CRY1: variants seen among roughly 807,000 people sequenced by gnomAD.
The protein encoded by CRY1 is cryptochrome circadian regulator 1.
CRY1 carries 45 observed loss-of-function variants against 76.0 expected under a neutral mutation model. That is an observed-to-expected ratio of 0.59 (90% CI 0.47 to 0.76). The LOEUF is 0.76. CRY1 is among the 30% of genes least tolerant of loss of function. The pLI is 0.00. For missense variants in CRY1, 587 were observed against 716.4 expected, an observed-to-expected ratio of 0.82 and a Z score of 2.06; for synonymous variants, 248 against 244.0, an observed-to-expected ratio of 1.02 and a Z score of -0.15.
chr12:107,019,880 C>T (rs1952534741), intron 2 of CRY1, among the ~76,000 whole-genome samples: 1 of 152,100 alleles, frequency 6.6e-6, no homozygotes, highest in South Asian at 2.1e-4. Context: ...AATGGCACCA[C>T]TGCACTACAG....
intron 2 of CRY1, among the ~76,000 whole-genome samples, chr12:107,010,254 G>T (rs971020722): frequency 6.6e-6 from 1 of 152,042 alleles, no homozygotes; most frequent in Non-Finnish European, 1.5e-5. Flanking sequence ...TAGGTAACTT[G>T]TATTTTCTTT....
intron 3 of CRY1, among the ~76,000 whole-genome samples, chr12:107,003,179 AG>A (rs1322632332): frequency 6.6e-6 from 1 of 152,206 alleles, no homozygotes; most frequent in African/African-American, 2.4e-5. Flanking sequence ...AGAACACATA[AG>A]CCCCCAAATT....
At chr12:107,002,932 G>A (rs1952328382) in intron 3 of CRY1, among the ~76,000 whole-genome samples, 1 of 152,162 alleles carries the variant, frequency 6.6e-6, no homozygotes, top group African/African-American at 2.4e-5. Context: ...CCATGATTGT[G>A]AGGCCTTCTG....
chr12:106,992,100 ACTTATAGT>A (rs1952186064), intron 12 of CRY1, 99 bp from the exon 13 acceptor site: 1 of 152,204 alleles, frequency 6.6e-6, no homozygotes, highest in South Asian at 2.1e-4. Flanking sequence ...TCTTCAAGAT[ACTTATAGT>A]CTAATTAGGT....
chr12:106,998,154 G>A, intron 7 of CRY1, 88 bp from the exon 8 acceptor site: 1 of 1,455,254 alleles, frequency 6.9e-7, no homozygotes. Context: ...CAAAGTCAAG[G>A]CAAAGAAAAT....
chr12:107,045,756 C>A (rs537478256), intron 1 of CRY1, among the ~76,000 whole-genome samples: 9 of 151,230 alleles, frequency 6.0e-5, no homozygotes, highest in East Asian at 2.0e-4. Flanking sequence ...GGGAACTGAA[C>A]AATGAGAACA....
chr12:107,060,881 G>C (rs1953038546), intron 1 of CRY1, among the ~76,000 whole-genome samples: 1 of 152,110 alleles, frequency 6.6e-6, no homozygotes, highest in South Asian at 2.1e-4. Flanking sequence ...GGGAGGGTGA[G>C]GCAGGAGAAT....
intron 1 of CRY1, among the ~76,000 whole-genome samples, chr12:107,040,517 C>T (rs1398357256): frequency 6.6e-6 from 1 of 151,874 alleles, no homozygotes; most frequent in African/African-American, 2.4e-5. Flanking sequence ...AACTCCTGAC[C>T]TCATGATCCA....
At chr12:107,053,277 G>C (rs974724715) in intron 1 of CRY1, among the ~76,000 whole-genome samples, 3 of 151,326 alleles carry the variant, frequency 2.0e-5, no homozygotes, top group African/African-American at 7.3e-5. Context: ...AAAATATGAA[G>C]AAAATAAAAG....
At chr12:107,028,051 G>T (rs1259637505) in intron 1 of CRY1, among the ~76,000 whole-genome samples, 6 of 151,852 alleles carry the variant, frequency 4.0e-5, no homozygotes, top group Admixed American at 3.9e-4. Flanking sequence ...TGACCCCAAA[G>T]AACTGATTCA....
intron 1 of CRY1, chr12:107,042,859 G>A (rs1178329695): frequency 1.3e-5 from 2 of 152,178 alleles, no homozygotes; most frequent in South Asian, 2.1e-4. Flanking sequence ...ATGGTGAGGA[G>A]ATAAGCAAGA....
intron 10 of CRY1, among the ~76,000 whole-genome samples, chr12:106,994,456 A>C (rs1952211588): frequency 6.6e-6 from 1 of 152,050 alleles, no homozygotes; most frequent in South Asian, 2.1e-4. Context: ...TTTTCCCTCC[A>C]CACCCCCATT....
intron 1 of CRY1, among the ~76,000 whole-genome samples, chr12:107,074,738 G>A (rs1219157472): frequency 6.6e-6 from 1 of 152,178 alleles, no homozygotes; most frequent in Non-Finnish European, 1.5e-5. Flanking sequence ...TACTAAGCTG[G>A]GCTCGATGGC....
chr12:107,090,140 A>C (rs1385945910), intron 1 of CRY1, among the ~76,000 whole-genome samples: 1 of 149,700 alleles, frequency 6.7e-6, no homozygotes. Flanking sequence ...CCCAGGCTGG[A>C]GTGCAGTGGC....
At chr12:107,012,145 G>GT (rs1952452373) in intron 2 of CRY1, among the ~76,000 whole-genome samples, 1 of 152,182 alleles carries the variant, frequency 6.6e-6, no homozygotes, top group African/African-American at 2.4e-5. Context: ...AGCCAAGATC[G>GT]TGCCACTGCA....
At chr12:107,071,967 C>A (rs1205347939) in intron 1 of CRY1, among the ~76,000 whole-genome samples, 1 of 152,010 alleles carries the variant, frequency 6.6e-6, no homozygotes, top group Non-Finnish European at 1.5e-5. Context: ...TGTTTCACTG[C>A]AATGAACAGA....
At chr12:107,083,639 C>A (rs1953356581) in intron 1 of CRY1, among the ~76,000 whole-genome samples, 2 of 152,260 alleles carry the variant, frequency 1.3e-5, no homozygotes, top group Admixed American at 6.5e-5. Flanking sequence ...CAAAATTCAA[C>A]ACCGCTTCAT....
chr12:107,061,223 T>C (rs1953042843), intron 1 of CRY1, among the ~76,000 whole-genome samples: 1 of 151,996 alleles, frequency 6.6e-6, no homozygotes, highest in East Asian at 1.9e-4. Flanking sequence ...ACAATGATCG[T>C]TTTCTACCAC....
intron 1 of CRY1, among the ~76,000 whole-genome samples, chr12:107,072,588 G>A (rs1383893826): frequency 6.6e-6 from 1 of 152,124 alleles, no homozygotes; most frequent in Non-Finnish European, 1.5e-5. Flanking sequence ...GTTACTATAA[G>A]GCTAACATGA....
Sources: allele counts gnomAD v4.1 joint callset (sites outside exome capture counted in the v4.1 genomes callset), GRCh38; gene constraint gnomAD v4.1.1; transcripts MANE v1.5; gene names NCBI Gene and HGNC (gene_info 2026-07-23, HGNC 2026-07-21).